SORCS3: variants seen among roughly 807,000 people sequenced by gnomAD.
The protein encoded by SORCS3 is VPS10 domain-containing receptor SorCS3.
SORCS3 carries 57 observed loss-of-function variants against 146.3 expected under a neutral mutation model. The ratio of observed to expected loss-of-function variants is 0.39; its 90% CI spans 0.31 to 0.49. The LOEUF (loss-of-function observed/expected upper bound fraction) is 0.49, where lower values mean the gene tolerates loss of function less well. SORCS3 is among the 20% of genes least tolerant of loss of function. The probability of loss-of-function intolerance (pLI) is 0.92; values close to 1 mark genes in which losing one functional copy is unlikely to be tolerated. For synonymous variants in SORCS3, 653 were observed against 618.5 expected (o/e 1.06, Z -0.83); for missense variants, 1,341 against 1,575.5 (o/e 0.85, Z 2.52).
intron 1 of SORCS3, among the ~76,000 whole-genome samples, chr10:104,721,073 T>C (rs1233699915): frequency 6.6e-6 from 1 of 152,228 alleles, no homozygotes; most frequent in African/African-American, 2.4e-5. Flanking sequence ...CTGAATGGTA[T>C]TACCTAGGTT....
intron 9 of SORCS3, among the ~76,000 whole-genome samples, chr10:105,148,854 G>A (rs2056150038): frequency 6.6e-6 from 1 of 152,094 alleles, no homozygotes; most frequent in Non-Finnish European, 1.5e-5. Context: ...ATAAGGTTTG[G>A]TTCTGTGTCC....
At chr10:105,016,061 A>T (rs980134619) in intron 4 of SORCS3, among the ~76,000 whole-genome samples, 1 of 149,834 alleles carries the variant, frequency 6.7e-6, no homozygotes, top group African/African-American at 2.5e-5. Flanking sequence ...TGGTGGTAGG[A>T]TCACAAGTGT....
At chr10:104,933,152 A>G (rs563941377) in intron 3 of SORCS3, among the ~76,000 whole-genome samples, 1 of 152,334 alleles carries the variant, frequency 6.6e-6, no homozygotes, top group Admixed American at 6.5e-5. Flanking sequence ...TCTGCCTGAA[A>G]TGGAAGCATA....
chr10:105,130,871 A>G (rs913288352), intron 7 of SORCS3, among the ~76,000 whole-genome samples: 1 of 152,138 alleles, frequency 6.6e-6, no homozygotes, highest in African/African-American at 2.4e-5. Flanking sequence ...AACAGAGGAG[A>G]TGACATGCTG....
At chr10:104,740,603 C>G (rs1000463884) in intron 1 of SORCS3, among the ~76,000 whole-genome samples, 3 of 152,210 alleles carry the variant, frequency 2.0e-5, no homozygotes, top group African/African-American at 2.4e-5. Context: ...GTTTGCTTCT[C>G]AGGAAGGGAT....
rs1308750704 is a variant in SORCS3, at chr10:104,842,749, C to T, written c.628-43C>T. 2.7e-6 allele frequency: 4 copies of T among 1,489,018 alleles called. No individual in the cohort carries two copies. The Admixed American group carries it at 5.3e-5, about 20-fold the overall frequency. 92.2% of individuals were successfully genotyped at this position (1,489,018 alleles called of 1,614,324 possible). ...CTAAAGTAAGCTTCCTTTTTTCCCT[C>T]CCTTTGTTCCTCTCCTTTGCCCTTA... On this transcript the variant is annotated intron_variant, in intron 1 of 26. Transcript: ENST00000369701.
Position 105,231,072 on chromosome 10 carries a change from C to G in SORCS3, c.2868+7823C>G, listed in dbSNP as rs189016677. 6.4e-4 allele frequency among the ~76,000 whole-genome samples: 98 copies of G among 152,318 alleles called. 3 individuals are homozygous for G. Among genetic ancestry groups the G allele is most frequent in the South Asian group, 1.5e-3 (7 of 4,820 alleles). On this transcript the variant is annotated intron_variant, in intron 20 of 26. Transcript: ENST00000369701. ...GGAGTCCCTTTCCACATTGGGGAAT[C>G]TCTCCAAACTCCTAGCCGATCCTGG... is the stretch of plus-strand genomic sequence containing the variant.
intron 7 of SORCS3, among the ~76,000 whole-genome samples, chr10:105,128,238 C>T (rs1267039306): frequency 6.6e-6 from 1 of 152,160 alleles, no homozygotes; most frequent in Non-Finnish European, 1.5e-5. Flanking sequence ...GATGGGGAAG[C>T]TCCAAGAAGT....
At position 105,245,657 on chromosome 10, in the gene SORCS3, C is replaced by A; in HGVS notation, c.2984C>A (p.Ala995Glu). The A allele has an allele frequency of 1.2e-6, 2 of 1,613,938 alleles. No homozygotes were observed. Among genetic ancestry groups the A allele is most frequent in the Non-Finnish European group, 8.5e-7 (1 of 1,179,914 alleles). Residue 995 changes from alanine to glutamate, a missense_variant, in exon 21 of 27, where the codon GCA (alanine) becomes GAA (glutamate). Ala to Glu is a moderately radical substitution (Grantham distance 107, BLOSUM62 -1). Transcript: ENST00000369701. ...CTCATCCAGGACACAAAAGAGATTG[C>A]AGTTCATGGTAAGCCCTGAAAATTG... ...NALIQDTKEI[A>E]VHEYFQSQLL... is the part of the protein sequence containing the mutation.
At chr10:105,045,548 A>T (rs1216525692) in intron 5 of SORCS3, among the ~76,000 whole-genome samples, 1 of 152,144 alleles carries the variant, frequency 6.6e-6, no homozygotes, top group Non-Finnish European at 1.5e-5. Context: ...ATCCAAAGAC[A>T]GAATTCAGGG....
chr10:104,959,855 T>C (rs546240012), intron 3 of SORCS3, among the ~76,000 whole-genome samples: 37 of 152,226 alleles, frequency 2.4e-4, no homozygotes, highest in Admixed American at 1.4e-3. Flanking sequence ...TTGTTTTCAT[T>C]TTTTTCTGGG....
At chr10:104,661,776 C>T (rs1339847615) in intron 1 of SORCS3, among the ~76,000 whole-genome samples, 3 of 152,150 alleles carry the variant, frequency 2.0e-5, no homozygotes, top group African/African-American at 7.2e-5. Context: ...CCTAATTGCA[C>T]TTCAGTACTG....
chr10:104,975,318 A>G (rs1293824616), intron 3 of SORCS3, among the ~76,000 whole-genome samples: 3 of 152,126 alleles, frequency 2.0e-5, no homozygotes, highest in African/African-American at 4.8e-5. Flanking sequence ...CAATTGCTTC[A>G]AAGAGAATAA....
At chr10:104,798,267 A>G (rs4556466) in intron 1 of SORCS3, among the ~76,000 whole-genome samples, 40,025 of 152,034 alleles carry the variant, frequency 0.26, 5,914 homozygotes, top group East Asian at 0.67. Flanking sequence ...CTTGTTACCA[A>G]TGAGCCTTGG....
At chr10:104,955,528 A>G (rs1181207665) in intron 3 of SORCS3, among the ~76,000 whole-genome samples, 2 of 152,206 alleles carry the variant, frequency 1.3e-5, no homozygotes, top group African/African-American at 2.4e-5. Flanking sequence ...CTTTGGGTAT[A>G]TACTTAGGAG....
chr10:105,241,750 G>A (rs1185467979), intron 20 of SORCS3, among the ~76,000 whole-genome samples: 2 of 152,158 alleles, frequency 1.3e-5, no homozygotes, highest in African/African-American at 4.8e-5. Flanking sequence ...CCAGAAGTCA[G>A]GCCGTCGTCT....
Position 105,123,351 on chromosome 10 carries a change from AG to A in SORCS3, c.1213-16043del, listed in dbSNP as rs138373162. Among the ~76,000 whole-genome samples the A allele has an allele frequency of 8.7e-4, 132 of 152,342 alleles. 4 individuals are homozygous for A. In the East Asian group the frequency reaches 0.024, roughly 28 times the overall value. ...CGCTCCATTTAGTCAGACATAGGAA[AG>A]GGATTGCTGTTCAGAGGTATTGCCT... On this transcript the variant is annotated intron_variant, in intron 7 of 26. Transcript: ENST00000369701.
intron 1 of SORCS3, among the ~76,000 whole-genome samples, chr10:104,781,147 T>C (rs924822607): frequency 6.6e-6 from 1 of 152,224 alleles, no homozygotes; most frequent in African/African-American, 2.4e-5. Context: ...ATATCTGACA[T>C]CTGCAGAACG....
chr10:104,950,561 GTTTT>G (rs1295298338), intron 3 of SORCS3, among the ~76,000 whole-genome samples: 1 of 152,130 alleles, frequency 6.6e-6, no homozygotes, highest in Admixed American at 6.6e-5. Flanking sequence ...TTTTAAGGCT[GTTTT>G]TATAGATCTG....
Sources: gnomAD v4.1 joint callset for allele counts (sites outside exome capture counted in the v4.1 genomes callset) on GRCh38, gnomAD v4.1.1 for gene constraint, MANE v1.5 for transcripts, NCBI Gene and HGNC (gene_info 2026-07-23, HGNC 2026-07-21) for gene names.